The following FSTL5 variants were observed in gnomAD, a reference collection of about 807,000 sequenced individuals.
FSTL5 encodes the protein follistatin like 5.
In FSTL5, 62 loss-of-function variants were observed where a neutral mutation model predicts 89.1. The ratio of observed to expected loss-of-function variants is 0.70; its 90% CI spans 0.57 to 0.86. The LOEUF is 0.86. Ranked by LOEUF, FSTL5 falls within the 40% of genes least tolerant of loss-of-function variation. The pLI is 0.00. For missense variants in FSTL5, 1,057 were observed against 1,001.6 expected, an observed-to-expected ratio of 1.06 and a Z score of -0.75; for synonymous variants, 383 against 346.2, an observed-to-expected ratio of 1.11 and a Z score of -1.18.
Position 161,385,988 on chromosome 4 carries a change from A to G in FSTL5, c.2303T>C (p.Phe768Ser). 6.2e-7 allele frequency: 1 copy of G among 1,613,994 alleles called. No homozygotes were observed. Among genetic ancestry groups the G allele is most frequent in the Non-Finnish European group, 8.5e-7 (1 of 1,179,920 alleles). Reference protein sequence around the residue: ...GSSSTQTDVLFVELSSGKVKM... With the variant: ...GSSSTQTDVLSVELSSGKVKM... Reference sequence around the variant, plus strand: ...GACCTTCCCAGAAGAGAGCTCCACAAAGAGCACATCAGTTTGTGTGCTTGA... The same window carrying G: ...GACCTTCCCAGAAGAGAGCTCCACAGAGAGCACATCAGTTTGTGTGCTTGA... The change falls in exon 16 of 16, where the codon TTT becomes TCT. Residue 768 changes from phenylalanine (F) to serine (S), a missense_variant. Phe to Ser is a radical substitution (Grantham distance 155). Coordinates refer to ENST00000306100, the MANE Select transcript of FSTL5 (RefSeq NM_020116.5).
At chr4:161,611,243 T>C (rs1003073913) in intron 7 of FSTL5, among the ~76,000 whole-genome samples, 45 of 54,908 alleles carry the variant, frequency 8.2e-4, no homozygotes, top group Non-Finnish European at 8.8e-4. Context: ...TATATATATA[T>C]ATATATATAT....
intron 4 of FSTL5, among the ~76,000 whole-genome samples, chr4:161,860,115 C>T (rs956688849): frequency 7.2e-5 from 11 of 151,878 alleles, no homozygotes; most frequent in South Asian, 4.2e-4. Context: ...AGTGAAACCC[C>T]GTCTCTACTA....
intron 13 of FSTL5, among the ~76,000 whole-genome samples, chr4:161,480,779 T>G (rs1729476680): frequency 6.6e-6 from 1 of 151,996 alleles, no homozygotes; most frequent in Non-Finnish European, 1.5e-5. Context: ...GCTAGGCAGG[T>G]TAATATTACA....
intron 3 of FSTL5, among the ~76,000 whole-genome samples, chr4:162,020,858 C>T (rs183112153): frequency 6.6e-6 from 1 of 151,974 alleles, no homozygotes; most frequent in East Asian, 1.9e-4. Flanking sequence ...TATCATGTAC[C>T]TTGTGCTGAT....
At chr4:162,119,887 T>A (rs990459666) in intron 1 of FSTL5, among the ~76,000 whole-genome samples, 2 of 152,140 alleles carry the variant, frequency 1.3e-5, no homozygotes, top group Non-Finnish European at 2.9e-5. Context: ...GTCTTATTGG[T>A]CCATACTGTG....
chr4:161,695,775 G>T (rs1002346386), intron 6 of FSTL5, among the ~76,000 whole-genome samples: 1 of 151,872 alleles, frequency 6.6e-6, no homozygotes, highest in South Asian at 2.1e-4. Context: ...TTTGAGAACT[G>T]TCTCTTCACG....
intron 2 of FSTL5, among the ~76,000 whole-genome samples, chr4:162,070,708 A>G (rs2314646): frequency 0.24 from 36,776 of 151,662 alleles, 5,140 homozygotes; most frequent in Non-Finnish European, 0.32. Context: ...TAGATTTCTC[A>G]GCAGAAACCT....
chr4:161,752,305 T>A lies in FSTL5; in HGVS notation c.727+7106A>T, dbSNP rs191582531. Among the ~76,000 whole-genome samples the A allele has an allele frequency of 3.0e-3, 451 of 152,304 alleles. 5 individuals carry two copies. The highest frequency in any genetic ancestry group is 1.0e-2 in the African/African-American group (415 of 41,574). On this transcript the variant is annotated intron_variant, in intron 6 of 15. Transcript: ENST00000306100. Reference sequence around the variant, plus strand: ...GTTTCCAGCACCATAGATGACCTGATGTTTCCATCCCATTCCTTTTCCTTT... The same window carrying A: ...GTTTCCAGCACCATAGATGACCTGAAGTTTCCATCCCATTCCTTTTCCTTT...
chr4:161,522,036 C>T (rs1322981701), intron 10 of FSTL5, among the ~76,000 whole-genome samples: 1 of 151,838 alleles, frequency 6.6e-6, no homozygotes, highest in African/African-American at 2.4e-5. Context: ...CCTGTTCTCC[C>T]CTAGTCCTAC....
At chr4:162,051,426 GAT>G (rs1313073430) in intron 2 of FSTL5, among the ~76,000 whole-genome samples, 5 of 151,188 alleles carry the variant, frequency 3.3e-5, no homozygotes, top group African/African-American at 9.7e-5. Context: ...AATCACTTGA[GAT>G]ATAAATAATA....
At chr4:161,875,096 C>T (rs1732398879) in intron 4 of FSTL5, among the ~76,000 whole-genome samples, 1 of 151,750 alleles carries the variant, frequency 6.6e-6, no homozygotes, top group Non-Finnish European at 1.5e-5. Context: ...TTACTTTTTC[C>T]CTTGTCTTGT....
chr4:161,788,501 A>G (rs1741993627), intron 4 of FSTL5, among the ~76,000 whole-genome samples: 1 of 152,196 alleles, frequency 6.6e-6, no homozygotes, highest in African/African-American at 2.4e-5. Context: ...CCTAAGTGGG[A>G]ACATGCAGTA....
intron 3 of FSTL5, among the ~76,000 whole-genome samples, chr4:161,993,480 T>G (rs1011049767): frequency 2.6e-5 from 4 of 152,140 alleles, no homozygotes; most frequent in Non-Finnish European, 5.9e-5. Context: ...TATAAATTAC[T>G]CAACAGTAAA....
chr4:161,624,096 T>C (rs915905742), intron 7 of FSTL5, among the ~76,000 whole-genome samples: 1 of 151,984 alleles, frequency 6.6e-6, no homozygotes, highest in Non-Finnish European at 1.5e-5. Flanking sequence ...AAAAGATAGC[T>C]ATAACCAATT....
At chr4:161,652,519 A>G (rs567622929) in intron 7 of FSTL5, among the ~76,000 whole-genome samples, 2 of 152,292 alleles carry the variant, frequency 1.3e-5, no homozygotes, top group East Asian at 1.9e-4. Flanking sequence ...AGGGCCAGTG[A>G]GATAATGAGG....
chr4:161,954,103 T>C (rs1734967035), intron 3 of FSTL5, among the ~76,000 whole-genome samples: 1 of 151,608 alleles, frequency 6.6e-6, no homozygotes, highest in Admixed American at 6.6e-5. Flanking sequence ...GCTATTATTA[T>C]AGATAAACCC....
At chr4:161,528,185 A>G (rs1405386249) in intron 10 of FSTL5, among the ~76,000 whole-genome samples, 2 of 135,546 alleles carry the variant, frequency 1.5e-5, no homozygotes, top group African/African-American at 2.6e-5. Flanking sequence ...TAGGAGATAT[A>G]CCTAATGCTA....
At chr4:161,464,811 T>G (rs1236977025) in intron 13 of FSTL5, among the ~76,000 whole-genome samples, 2 of 152,118 alleles carry the variant, frequency 1.3e-5, no homozygotes. Context: ...TCTTAAAAAA[T>G]TTCTCCTCTG....
intron 2 of FSTL5, among the ~76,000 whole-genome samples, chr4:162,084,947 T>C (rs532598509): frequency 6.6e-6 from 1 of 152,196 alleles, no homozygotes; most frequent in Non-Finnish European, 1.5e-5. Context: ...AACTTTTAAA[T>C]GTAAAGGTAA....
Sources: gnomAD v4.1 joint callset for allele counts (sites outside exome capture counted in the v4.1 genomes callset) on GRCh38, gnomAD v4.1.1 for gene constraint, MANE v1.5 for transcripts, NCBI Gene and HGNC (gene_info 2026-07-23, HGNC 2026-07-21) for gene names.